The following FRRS1L variants were observed in gnomAD, a reference collection of about 807,000 sequenced individuals.
FRRS1L encodes the protein ferric chelate reductase 1 like.
In FRRS1L, 22 loss-of-function variants were observed where a neutral mutation model predicts 28.6. The ratio of observed to expected loss-of-function variants is 0.77; its 90% CI spans 0.55 to 1.10. The LOEUF is 1.10. FRRS1L is among the 50% of genes least tolerant of loss of function. The pLI is 0.00. For synonymous variants in FRRS1L, 158 were observed against 151.4 expected (o/e 1.04, Z -0.32); for missense variants, 380 against 386.9 (o/e 0.98, Z 0.15).
chr9:109,132,954 C>T lies in FRRS1L; in HGVS notation c.*4501G>A, dbSNP rs1056157132. On this transcript the variant is annotated 3_prime_UTR_variant, in exon 5 of 5. Transcript: ENST00000561981. The stretch of plus-strand genomic sequence containing the variant: ...CCCTGGAGTAGAGATAAGAATGACA[C>T]ACAACCTCAGTGGTCACGTCTCTTA... 1.3e-5 allele frequency: 2 copies of T among 152,282 alleles called. No individual in the cohort carries two copies. The highest frequency in any genetic ancestry group is 2.4e-5 in the African/African-American group (1 of 41,554). 9.4% of individuals were successfully genotyped at this position (152,282 alleles called of 1,614,324 possible). A position where few individuals can be genotyped will look rare whatever the true frequency, so the allele number is the denominator to read the frequency against.
At chr9:109,156,916 G>A (rs1310735361) in intron 1 of FRRS1L, among the ~76,000 whole-genome samples, 1 of 151,446 alleles carries the variant, frequency 6.6e-6, no homozygotes, top group Non-Finnish European at 1.5e-5. Context: ...CAAGCTATCT[G>A]CCCCTCTCAG....
intron 4 of FRRS1L, 24 bp from the exon 5 acceptor site, chr9:109,137,651 A>AG (rs1564227791): frequency 6.8e-7 from 1 of 1,461,178 alleles, no homozygotes. Context: ...AGAGAAGAGC[A>AG]GGGGCAATTG....
chr9:109,166,543 A>T (rs1353849483), intron 1 of FRRS1L, among the ~76,000 whole-genome samples: 1 of 151,864 alleles, frequency 6.6e-6, no homozygotes, highest in African/African-American at 2.4e-5. Context: ...CTCCCCTATA[A>T]CCCAACCCCA....
intron 1 of FRRS1L, among the ~76,000 whole-genome samples, chr9:109,152,583 T>G (rs961595010): frequency 6.6e-6 from 1 of 151,248 alleles, no homozygotes; most frequent in Non-Finnish European, 1.5e-5. Flanking sequence ...GGTGGGCAGA[T>G]CATGAGGTCA....
At chr9:109,164,544 G>A (rs988394014) in intron 1 of FRRS1L, among the ~76,000 whole-genome samples, 5 of 151,888 alleles carry the variant, frequency 3.3e-5, no homozygotes, top group Middle Eastern at 3.2e-3. Flanking sequence ...GATTACAGGC[G>A]TGCACCACCA....
chr9:109,150,266 G>A (rs1831315960), intron 1 of FRRS1L: 1 of 152,370 alleles, frequency 6.6e-6, no homozygotes, highest in Admixed American at 6.5e-5. Flanking sequence ...TGCCCAGGTT[G>A]GAGTGCAGTG....
chr9:109,163,050 C>G (rs1055821580), intron 1 of FRRS1L, among the ~76,000 whole-genome samples: 4 of 152,212 alleles, frequency 2.6e-5, no homozygotes, highest in Non-Finnish European at 5.9e-5. Context: ...GACTGAGGGT[C>G]TGCTTCCCAA....
rs560712290 is a variant in FRRS1L at position 109,131,420 on chromosome 9, T to C, written c.*6035A>G. 1 of 152,328 alleles carries C rather than the reference T, an allele frequency of 6.6e-6. No homozygotes were observed. The highest frequency in any genetic ancestry group is 2.4e-5 in the African/African-American group (1 of 41,576). The allele number at this position is 152,328 out of a possible 1,614,324, so 9.4% of individuals were successfully genotyped here. ...ATGCATAATGTTCTACCTCTTGGGT[T>C]TTAAAGTAGGCAAGAGATCAGAAAC... On this transcript the variant is annotated 3_prime_UTR_variant, in exon 5 of 5. Coordinates refer to ENST00000561981, the MANE Select transcript of FRRS1L (RefSeq NM_014334.4).
At position 109,167,128 on chromosome 9, in the gene FRRS1L, G is replaced by A. The variant is rs1242524393; in HGVS notation, c.11C>T (p.Pro4Leu). 1.7e-6 allele frequency: 2 copies of A among 1,162,590 alleles called. No individual in the cohort carries two copies. The highest frequency in any genetic ancestry group is 3.3e-5 in the African/African-American group (2 of 60,746). 72.0% of individuals were successfully genotyped at this position (1,162,590 alleles called of 1,614,324 possible). A position where few individuals can be genotyped will look rare whatever the true frequency, so the allele number is the denominator to read the frequency against. The change falls in exon 1 of 5, where the codon CCG becomes CTG. Residue 4 changes from proline (P) to leucine (L), a missense_variant. By Grantham distance (98) the Pro-to-Leu change is moderately conservative (BLOSUM62 -3). Transcript: ENST00000561981. ...CCAGACCCCCGGGTGCTGCCGGGGC[G>A]GCCGCGCCATCCGTGCGCACAGATC... MAR[P>L]PRQHPGVWAS...
Position 109,137,446 on chromosome 9 carries a change from C to G in FRRS1L, c.*9G>C. ...CAATCCATGTAATCTGTTGGCCCTG[C>G]AGCTGTGGTTAGGGGGTTCCCATCA... On this transcript the variant is annotated 3_prime_UTR_variant, in exon 5 of 5. Transcript: ENST00000561981. 6.5e-7 allele frequency: 1 copy of G among 1,536,824 alleles called. No homozygotes were observed. The highest frequency in any genetic ancestry group is 8.8e-7 in the Non-Finnish European group (1 of 1,134,606).
In FRRS1L at chr9:109,166,979, C is replaced by T. The variant is rs1831561331; in HGVS notation, c.160G>A (p.Glu54Lys). The change falls in exon 1 of 5, where the codon GAG (glutamate) becomes AAG (lysine). Residue 54 changes from glutamate to lysine, a missense_variant. Transcript: ENST00000561981. Reference protein sequence around the residue: ...GRARGDTGADEAVPRHDSSYG... With the variant: ...GRARGDTGADKAVPRHDSSYG... ...GAGGAGTCGTGGCGCGGCACCGCCT[C>T]GTCGGCGCCCGTGTCCCCCCGCGCG... 3 of 1,300,784 alleles carry T rather than the reference C, an allele frequency of 2.3e-6. No homozygotes were observed. The highest frequency in any genetic ancestry group is 1.5e-5 in the African/African-American group (1 of 65,716). 80.6% of individuals were successfully genotyped at this position (1,300,784 alleles called of 1,614,324 possible).
Position 109,133,982 on chromosome 9 carries a change from G to T in FRRS1L, c.*3473C>A, listed in dbSNP as rs946414777. The T allele has an allele frequency of 4.6e-5, 7 of 152,186 alleles. No individual in the cohort carries two copies. Among genetic ancestry groups the T allele is most frequent in the Non-Finnish European group, 8.8e-5 (6 of 68,038 alleles). 9.4% of individuals were successfully genotyped at this position (152,186 alleles called of 1,614,324 possible). Reference sequence around the variant, plus strand: ...GGTCAAAGGCCATTCTGTATCACTGGTGTGAATTCTTATTTCTGAAAAATG... The same window carrying T: ...GGTCAAAGGCCATTCTGTATCACTGTTGTGAATTCTTATTTCTGAAAAATG... On this transcript the variant is annotated 3_prime_UTR_variant, in exon 5 of 5. Transcript: ENST00000561981.
chr9:109,147,814 A>G (rs1437084408), intron 2 of FRRS1L: 1 of 152,254 alleles, frequency 6.6e-6, no homozygotes, highest in East Asian at 1.9e-4. Context: ...TGGAGTTGAG[A>G]GCATGTTCTT....
rs545056694 is a variant in FRRS1L, at chr9:109,131,730, G to A, written c.*5725C>T. 118 of 152,254 alleles carry A rather than the reference G, an allele frequency of 7.8e-4. No homozygotes were observed. The highest frequency in any genetic ancestry group is 2.5e-3 in the African/African-American group (104 of 41,538). 9.4% of individuals were successfully genotyped at this position (152,254 alleles called of 1,614,324 possible). On this transcript the variant is annotated 3_prime_UTR_variant, in exon 5 of 5. Transcript: ENST00000561981. ...GTTGAACCATCCAAATTCGGGGATC[G>A]TCTGTGTATATAAACACATGGAGAA...
chr9:109,159,613 G>A (rs145582783), intron 1 of FRRS1L, among the ~76,000 whole-genome samples: 13 of 152,290 alleles, frequency 8.5e-5, no homozygotes, highest in East Asian at 1.9e-4. Flanking sequence ...AGCCAAGATC[G>A]CGCCATTGCA....
At position 109,136,710 on chromosome 9, in the gene FRRS1L, C is replaced by A. The variant is rs368789959; in HGVS notation, c.*745G>T. 8.5e-5 allele frequency: 13 copies of A among 152,160 alleles called. No individual in the cohort carries two copies. The East Asian group carries it at 9.7e-4, about 11-fold the overall frequency. The allele number at this position is 152,160 out of a possible 1,614,324, so 9.4% of individuals were successfully genotyped here. A position where few individuals can be genotyped will look rare whatever the true frequency, so the allele number is the denominator to read the frequency against. On this transcript the variant is annotated 3_prime_UTR_variant, in exon 5 of 5. Transcript: ENST00000561981. ...TCATTTTTGTACTTTTTAATAGAGA[C>A]GGGGGTTTCACCACATTGGCCAGGC...
At chr9:109,161,966 CCTAA>C (rs1337507782) in intron 1 of FRRS1L, among the ~76,000 whole-genome samples, 1 of 152,130 alleles carries the variant, frequency 6.6e-6, no homozygotes, top group Non-Finnish European at 1.5e-5. Flanking sequence ...AACTGTAGTC[CCTAA>C]CTGTCTACCA....
intron 1 of FRRS1L, among the ~76,000 whole-genome samples, chr9:109,152,917 A>G (rs1831353467): frequency 6.8e-6 from 1 of 146,606 alleles, no homozygotes; most frequent in African/African-American, 2.5e-5. Flanking sequence ...GAACTAGTTT[A>G]TTCATGTTGG....
At position 109,135,037 on chromosome 9, in the gene FRRS1L, G is replaced by A. The variant is rs1365947940; in HGVS notation, c.*2418C>T. On this transcript the variant is annotated 3_prime_UTR_variant, in exon 5 of 5. Coordinates refer to ENST00000561981, the MANE Select transcript of FRRS1L (RefSeq NM_014334.4). ...AATTTCTCCCCATCTGCAATGAACA[G>A]AATTTCTCCTCCATCCCTCCTTGGA... 6.6e-6 allele frequency: 1 copy of A among 152,196 alleles called. No individual in the cohort carries two copies. The highest frequency in any genetic ancestry group is 2.4e-5 in the African/African-American group (1 of 41,446). The allele number at this position is 152,196 out of a possible 1,614,324, so 9.4% of individuals were successfully genotyped here.
Sources: allele counts gnomAD v4.1 joint callset (sites outside exome capture counted in the v4.1 genomes callset), GRCh38; gene constraint gnomAD v4.1.1; transcripts MANE v1.5; gene names NCBI Gene and HGNC (gene_info 2026-07-23, HGNC 2026-07-21).